The following TTC33 variants were observed in gnomAD, a reference collection of about 807,000 sequenced individuals.
TTC33 encodes the protein tetratricopeptide repeat protein 33.
A neutral mutation model predicts 29.4 loss-of-function variants in TTC33; 24 were observed. The observed-to-expected ratio is 0.82, with a 90% CI of 0.59 to 1.15. TTC33 has a LOEUF of 1.15. Among genes scored for constraint, TTC33 ranks in the 50% most tolerant of loss-of-function variants. TTC33 has a pLI of 0.00. For missense variants in TTC33, 286 were observed against 310.4 expected (o/e 0.92, Z 0.59); for synonymous variants, 107 against 100.3 (o/e 1.07, Z -0.40).
At chr5:40,743,570 C>G (rs910176453) in intron 2 of TTC33, among the ~76,000 whole-genome samples, 2 of 151,594 alleles carry the variant, frequency 1.3e-5, no homozygotes, top group African/African-American at 4.9e-5. Flanking sequence ...GTCAGGGGTT[C>G]AAGACCAGCC....
chr5:40,736,759 T>A (rs557819678), intron 2 of TTC33, among the ~76,000 whole-genome samples: 7 of 152,188 alleles, frequency 4.6e-5, no homozygotes, highest in African/African-American at 1.7e-4. Flanking sequence ...AAGATATGTA[T>A]CACCATTTGA....
intron 1 of TTC33, among the ~76,000 whole-genome samples, chr5:40,753,530 G>A (rs1424084051): frequency 6.6e-6 from 1 of 152,072 alleles, no homozygotes; most frequent in Non-Finnish European, 1.5e-5. Flanking sequence ...TCCCCAGGCC[G>A]ATCATATTAT....
chr5:40,727,327 GTA>G (rs1742310418), intron 4 of TTC33, among the ~76,000 whole-genome samples: 1 of 152,166 alleles, frequency 6.6e-6, no homozygotes, highest in Non-Finnish European at 1.5e-5. Flanking sequence ...ATTTGGCACT[GTA>G]TATTAGATTT....
chr5:40,748,515 T>C (rs1422563891), intron 1 of TTC33, among the ~76,000 whole-genome samples: 8 of 152,196 alleles, frequency 5.3e-5, no homozygotes, highest in Admixed American at 5.2e-4. Flanking sequence ...TATTTTTTCT[T>C]TGGTGTGATA....
chr5:40,745,104 G>A (rs1742765987), intron 2 of TTC33, among the ~76,000 whole-genome samples: 1 of 152,092 alleles, frequency 6.6e-6, no homozygotes, highest in African/African-American at 2.4e-5. Context: ...CAGTGTCATG[G>A]GGGATAAAAG....
intron 1 of TTC33, among the ~76,000 whole-genome samples, chr5:40,752,352 A>T (rs1033565536): frequency 7.9e-5 from 12 of 152,226 alleles, no homozygotes; most frequent in African/African-American, 2.9e-4. Context: ...TTTCCTTTGC[A>T]TTCACCACTT....
At chr5:40,740,252 T>G (rs1335830238) in intron 2 of TTC33, among the ~76,000 whole-genome samples, 2 of 151,692 alleles carry the variant, frequency 1.3e-5, no homozygotes, top group Non-Finnish European at 2.9e-5. Flanking sequence ...CCTTTCATTC[T>G]TTACTTAGAC....
At position 40,730,317 on chromosome 5, in the gene TTC33, T is replaced by A. The variant is rs1009260811; in HGVS notation, c.248A>T (p.Asp83Val). The change falls in exon 3 of 5, where the codon GAT (aspartate) becomes GTT (valine). Residue 83 changes from aspartate to valine, a missense_variant. Transcript: ENST00000337702. ...KRYREAIQKW[D>V]EALQLTPNDA... ...ATTTGGAGTTAACTGTAGTGCTTCA[T>A]CCCACTTCTGAATTGCCTCCCGATA... 6.2e-7 allele frequency: 1 copy of A among 1,612,932 alleles called. No homozygotes were observed. The highest frequency in any genetic ancestry group is 8.5e-7 in the Non-Finnish European group (1 of 1,179,272).
At chr5:40,738,038 G>A (rs994804831) in intron 2 of TTC33, among the ~76,000 whole-genome samples, 3 of 152,144 alleles carry the variant, frequency 2.0e-5, no homozygotes, top group Admixed American at 2.0e-4. Context: ...GTCTTTGTGT[G>A]GATATAATGT....
At chr5:40,749,751 C>T (rs905558716) in intron 1 of TTC33, among the ~76,000 whole-genome samples, 1 of 152,176 alleles carries the variant, frequency 6.6e-6, no homozygotes, top group Non-Finnish European at 1.5e-5. Flanking sequence ...TATGTTTACA[C>T]TATACTATAG....
rs1741900637 is a variant in TTC33, at chr5:40,711,611, A to G, written c.*4534T>C. 6.6e-6 allele frequency among the ~76,000 whole-genome samples: 1 copy of G among 152,164 alleles called. No individual in the cohort carries two copies. Among genetic ancestry groups the G allele is most frequent in the African/African-American group, 2.4e-5 (1 of 41,450 alleles). ...TATATATAGCAGCTTTATTCATAATAGATCAAAACTTGAAACAACCTAAAT... is the reference window on the plus strand; with the variant it reads ...TATATATAGCAGCTTTATTCATAATGGATCAAAACTTGAAACAACCTAAAT... On this transcript the variant is annotated 3_prime_UTR_variant, in exon 5 of 5. Transcript: ENST00000337702.
chr5:40,718,356 A>G (rs1742051539), intron 4 of TTC33, among the ~76,000 whole-genome samples: 1 of 152,156 alleles, frequency 6.6e-6, no homozygotes, highest in Non-Finnish European at 1.5e-5. Flanking sequence ...CAGTGAGCCA[A>G]GATGGTGCCA....
At chr5:40,724,655 CA>C (rs199921717) in intron 4 of TTC33, among the ~76,000 whole-genome samples, 2 of 148,718 alleles carry the variant, frequency 1.3e-5, no homozygotes, top group Non-Finnish European at 3.0e-5. Context: ...AACAAACAAA[CA>C]AAAAAAAACA....
chr5:40,712,904 TCTTCTTC>T lies in TTC33; in HGVS notation c.*3234_*3240del, dbSNP rs1186629751. On this transcript the variant is annotated 3_prime_UTR_variant, in exon 5 of 5. Coordinates refer to ENST00000337702, the MANE Select transcript of TTC33 (RefSeq NM_012382.3). ...GTTACAGTAGCTTTAGGGCCACACT[TCTTCTTC>T]CGAAGTAACCATATTTAATTGCAAG... Among the ~76,000 whole-genome samples, 1 of 152,156 alleles carries T rather than the reference TCTTCTTC, an allele frequency of 6.6e-6. No individual in the cohort carries two copies. The highest frequency in any genetic ancestry group is 6.6e-5 in the Admixed American group (1 of 15,264).
chr5:40,741,813 A>ACC (rs1350090640), intron 2 of TTC33, among the ~76,000 whole-genome samples: 1 of 151,998 alleles, frequency 6.6e-6, no homozygotes, highest in Non-Finnish European at 1.5e-5. Flanking sequence ...ATATGGTAAA[A>ACC]CCCCATCTCT....
chr5:40,748,669 C>A (rs1448338924), intron 1 of TTC33, among the ~76,000 whole-genome samples: 1 of 152,124 alleles, frequency 6.6e-6, no homozygotes, highest in Non-Finnish European at 1.5e-5. Context: ...AGAAAATATA[C>A]ATGAAATTAG....
intron 2 of TTC33, 144 bp from the exon 3 acceptor site, chr5:40,730,487 G>A: frequency 1.8e-6 from 1 of 570,324 alleles, no homozygotes; most frequent in African/African-American, 1.9e-5. Flanking sequence ...GTAGCATTAA[G>A]TACATATAGT....
rs1009778741 is a variant in TTC33 at position 40,713,684 on chromosome 5, T to C, written c.*2461A>G. The stretch of plus-strand genomic sequence containing the variant: ...AGACACTCTGACTAATGAGTGTCTA[T>C]GCCATACAATTCTCAAACAAGAATA... On this transcript the variant is annotated 3_prime_UTR_variant, in exon 5 of 5. Coordinates refer to ENST00000337702, the MANE Select transcript of TTC33 (RefSeq NM_012382.3). Among the ~76,000 whole-genome samples the C allele has an allele frequency of 1.3e-5, 2 of 152,206 alleles. No homozygotes were observed. Among genetic ancestry groups the C allele is most frequent in the African/African-American group, 4.8e-5 (2 of 41,454 alleles).
intron 4 of TTC33, 88 bp downstream of exon 4, chr5:40,728,257 C>T (rs1187309571): frequency 2.0e-6 from 2 of 1,005,026 alleles, no homozygotes; most frequent in Non-Finnish European, 2.7e-6. Context: ...GCACTGTACC[C>T]TGGGTGACAT....
Sources: allele counts gnomAD v4.1 joint callset (sites outside exome capture counted in the v4.1 genomes callset), GRCh38; gene constraint gnomAD v4.1.1; transcripts MANE v1.5; gene names NCBI Gene and HGNC (gene_info 2026-07-23, HGNC 2026-07-21).